RPTOR: variants seen among roughly 807,000 people sequenced by gnomAD.
RPTOR encodes regulatory associated protein of MTOR complex 1, also known as regulatory-associated protein of mTOR.
A neutral mutation model predicts 169.9 loss-of-function variants in RPTOR; 21 were observed. The ratio of observed to expected loss-of-function variants is 0.12; its 90% CI spans 0.09 to 0.18. The LOEUF is 0.18. RPTOR is among the 10% of genes least tolerant of loss of function. RPTOR has a pLI of 1.00. For synonymous variants in RPTOR, 732 were observed against 753.2 expected, an observed-to-expected ratio of 0.97 and a Z score of 0.46; for missense variants, 1,133 against 1,855.9, an observed-to-expected ratio of 0.61 and a Z score of 7.16.
At chr17:80,781,081 C>T (rs1363610459) in intron 6 of RPTOR, among the ~76,000 whole-genome samples, 4 of 152,090 alleles carry the variant, frequency 2.6e-5, no homozygotes, top group Admixed American at 2.6e-4. Context: ...TCAACTGTCT[C>T]CCCTCCAGGG....
At chr17:80,853,942 C>T (rs376432194) in intron 11 of RPTOR, among the ~76,000 whole-genome samples, 7 of 151,586 alleles carry the variant, frequency 4.6e-5, no homozygotes, top group African/African-American at 1.7e-4. Flanking sequence ...GATTGCGCCA[C>T]TGCACTCCAG....
rs373717243 is a variant in RPTOR, at chr17:80,936,980, A to G, written c.2920-3516A>G. On this transcript the variant is annotated intron_variant, in intron 24 of 33. Coordinates refer to ENST00000306801, the MANE Select transcript of RPTOR (RefSeq NM_020761.3). This position sits in a 1 kb window ranked among gnomAD's most constrained non-coding sequence, Gnocchi z 4.1. ...TGTTGCCTGTGGACTCACGACGCAC[A>G]CCACTACCTCTTCCGCCTCTTCCTC... Among the ~76,000 whole-genome samples, 2 of 152,204 alleles carry G rather than the reference A, an allele frequency of 1.3e-5. No homozygotes were observed. Among genetic ancestry groups the G allele is most frequent in the East Asian group, 3.8e-4 (2 of 5,196 alleles).
At chr17:80,660,179 G>A (rs1430245828) in intron 3 of RPTOR, among the ~76,000 whole-genome samples, 1 of 151,652 alleles carries the variant, frequency 6.6e-6, no homozygotes, top group Non-Finnish European at 1.5e-5. Context: ...GCTGAGGTAG[G>A]AGAATTGCTT....
At chr17:80,887,536 C>T (rs759046424) in intron 17 of RPTOR, among the ~76,000 whole-genome samples, 22 of 152,150 alleles carry the variant, frequency 1.4e-4, no homozygotes, top group Non-Finnish European at 3.1e-4. Context: ...AGGAGCCTGG[C>T]GGCGTGGAGC....
intron 1 of RPTOR, among the ~76,000 whole-genome samples, chr17:80,589,319 C>T (rs1423521159): frequency 6.6e-6 from 1 of 151,990 alleles, no homozygotes; most frequent in Non-Finnish European, 1.5e-5. Flanking sequence ...TGTGCTGTTC[C>T]GGGGGTACTT....
chr17:80,750,388 C>T (rs547059478), intron 5 of RPTOR, among the ~76,000 whole-genome samples: 1 of 152,348 alleles, frequency 6.6e-6, no homozygotes, highest in Non-Finnish European at 1.5e-5. Context: ...CCCAGACAGA[C>T]ATCGCAAATG....
chr17:80,740,571 G>A (rs1051704812), intron 5 of RPTOR, among the ~76,000 whole-genome samples: 6 of 152,130 alleles, frequency 3.9e-5, no homozygotes, highest in South Asian at 2.1e-4. Flanking sequence ...GGAATTATAC[G>A]CTGTGACTTA....
At chr17:80,813,629 G>A (rs1415137344) in intron 7 of RPTOR, among the ~76,000 whole-genome samples, 12 of 152,078 alleles carry the variant, frequency 7.9e-5, no homozygotes, top group Admixed American at 7.9e-4. Context: ...GCACTGACCT[G>A]GATTTTCAAA....
chr17:80,638,582 T>C (rs1191299408), intron 2 of RPTOR, among the ~76,000 whole-genome samples: 3 of 152,054 alleles, frequency 2.0e-5, no homozygotes, highest in African/African-American at 7.2e-5. Context: ...AAAAAAATTA[T>C]TGTAGAGACG....
chr17:80,841,315 C>T (rs2067651062), intron 10 of RPTOR, among the ~76,000 whole-genome samples: 1 of 126,418 alleles, frequency 7.9e-6, no homozygotes, highest in East Asian at 2.6e-4. Flanking sequence ...GCAGCTCACA[C>T]TCACCGCACG....
intron 3 of RPTOR, among the ~76,000 whole-genome samples, chr17:80,667,951 A>C (rs1358788243): frequency 6.6e-6 from 1 of 152,218 alleles, no homozygotes; most frequent in East Asian, 1.9e-4. Context: ...TCTGTCAGCA[A>C]CAAAAATGCC....
At chr17:80,955,128 CTG>C (rs10570804) in intron 28 of RPTOR, among the ~76,000 whole-genome samples, 23,467 of 152,160 alleles carry the variant, frequency 0.15, 4,823 homozygotes, top group African/African-American at 0.48. Context: ...TCAAATTAAT[CTG>C]TGGATTTATT....
At chr17:80,580,203 A>G (rs543535845) in intron 1 of RPTOR, among the ~76,000 whole-genome samples, 1 of 146,328 alleles carries the variant, frequency 6.8e-6, no homozygotes, top group Non-Finnish European at 1.6e-5. Context: ...TGATTTTTTA[A>G]TATTATAACT....
intron 20 of RPTOR, among the ~76,000 whole-genome samples, chr17:80,903,604 G>A (rs935202617): frequency 1.1e-4 from 16 of 152,264 alleles, no homozygotes; most frequent in Admixed American, 2.6e-4. Flanking sequence ...GGCTGGCCTC[G>A]AACTCTTGGG....
intron 21 of RPTOR, among the ~76,000 whole-genome samples, chr17:80,916,606 G>A (rs572830273): frequency 9.8e-5 from 15 of 152,324 alleles, no homozygotes; most frequent in African/African-American, 2.9e-4. Context: ...GGGCAAAGGC[G>A]TCACCAGCCA....
chr17:80,580,711 C>T (rs900392258), intron 1 of RPTOR, among the ~76,000 whole-genome samples: 2 of 152,194 alleles, frequency 1.3e-5, no homozygotes, highest in African/African-American at 4.8e-5. Flanking sequence ...TAGCCTCGAA[C>T]TCCTCAGCTC....
intron 7 of RPTOR, among the ~76,000 whole-genome samples, chr17:80,819,476 T>C (rs572214483): frequency 9.9e-4 from 151 of 152,348 alleles, no homozygotes; most frequent in African/African-American, 3.6e-3. Flanking sequence ...GCGTGGTTTG[T>C]TTAATCATTT....
At chr17:80,779,391 C>G (rs977163997) in intron 6 of RPTOR, among the ~76,000 whole-genome samples, 1 of 152,228 alleles carries the variant, frequency 6.6e-6, no homozygotes, top group African/African-American at 2.4e-5. Flanking sequence ...CCGTGGCTTT[C>G]TGGGAGAACC....
chr17:80,685,627 A>ATTTTTTTTTTTTTTTT (rs1165540456), intron 3 of RPTOR, among the ~76,000 whole-genome samples: 6 of 30,682 alleles, frequency 2.0e-4, no homozygotes, highest in Non-Finnish European at 3.2e-4. Context: ...ATATATATAT[A>ATTTTTTTTTTTTTTTT]TTTTTTTTTT....
Sources: gnomAD v4.1 joint callset for allele counts (sites outside exome capture counted in the v4.1 genomes callset) on GRCh38, gnomAD v4.1.1 for gene constraint, Gnocchi (gnomAD v3.1) non-coding constraint, MANE v1.5 for transcripts, NCBI Gene and HGNC (gene_info 2026-07-23, HGNC 2026-07-21) for gene names.